SLC25A13: variants seen among roughly 807,000 people sequenced by gnomAD.
SLC25A13 encodes electrogenic aspartate/glutamate antiporter SLC25A13, mitochondrial.
In SLC25A13, 70 loss-of-function variants were observed where a neutral mutation model predicts 85.5. That is an observed-to-expected ratio of 0.82 (90% CI 0.68 to 1.00). SLC25A13 has a LOEUF of 1.00. SLC25A13 is among the 50% of genes least tolerant of loss of function. The probability of loss-of-function intolerance (pLI) is 0.00; values close to 1 mark genes in which losing one functional copy is unlikely to be tolerated. For synonymous variants in SLC25A13, 259 were observed against 288.7 expected (o/e 0.90, Z 1.04); for missense variants, 765 against 819.8 (o/e 0.93, Z 0.82).
At chr7:96,194,891 T>A (rs1011609445) in intron 5 of SLC25A13, among the ~76,000 whole-genome samples, 1 of 152,198 alleles carries the variant, frequency 6.6e-6, no homozygotes, top group Admixed American at 6.5e-5. Flanking sequence ...TTTGTAGCCA[T>A]CTGCCAGTTT....
chr7:96,179,773 T>C (rs1187635210), intron 11 of SLC25A13, among the ~76,000 whole-genome samples: 1 of 152,228 alleles, frequency 6.6e-6, no homozygotes, highest in Non-Finnish European at 1.5e-5. Flanking sequence ...AGTTCACAGA[T>C]TAACTATGGT....
At chr7:96,252,818 G>C (rs1377550804) in intron 3 of SLC25A13, among the ~76,000 whole-genome samples, 1 of 152,200 alleles carries the variant, frequency 6.6e-6, no homozygotes, top group Admixed American at 6.5e-5. Context: ...GGCAGGCTGG[G>C]CACGGTGGGT....
chr7:96,299,896 A>C (rs1314460188), intron 1 of SLC25A13, among the ~76,000 whole-genome samples: 1 of 152,222 alleles, frequency 6.6e-6, no homozygotes, highest in East Asian at 1.9e-4. Context: ...GTATCTAAAC[A>C]TAGAAAAGGT....
rs147716687 is a variant in SLC25A13 at position 96,120,621 on chromosome 7, C to T, written c.*570G>A. ...GTAACAATATGATTACTAAACATCT[C>T]CAATGTGGTTTTCATTACAAAGAAA... On this transcript the variant is annotated 3_prime_UTR_variant, in exon 18 of 18. Transcript: ENST00000265631. The T allele has an allele frequency of 1.1e-3, 514 of 454,454 alleles. 1 individual carries two copies. The highest frequency in any genetic ancestry group is 9.4e-3 in the African/African-American group (469 of 50,098). 28.2% of individuals were successfully genotyped at this position (454,454 alleles called of 1,614,324 possible).
chr7:96,144,291 A>G (rs1327289862), intron 14 of SLC25A13, among the ~76,000 whole-genome samples: 1 of 152,154 alleles, frequency 6.6e-6, no homozygotes, highest in Non-Finnish European at 1.5e-5. Context: ...GACTGAAAGG[A>G]GACCAAACCA....
chr7:96,196,571 C>A (rs968898411), intron 5 of SLC25A13, among the ~76,000 whole-genome samples: 1 of 152,166 alleles, frequency 6.6e-6, no homozygotes, highest in Non-Finnish European at 1.5e-5. Context: ...TGTGCCCACG[C>A]TTCCATGATT....
At chr7:96,278,733 C>G (rs1478359736) in intron 2 of SLC25A13, among the ~76,000 whole-genome samples, 1 of 152,024 alleles carries the variant, frequency 6.6e-6, no homozygotes, top group African/African-American at 2.4e-5. Context: ...TTTTTTTTAG[C>G]ACACTACAAG....
intron 1 of SLC25A13, among the ~76,000 whole-genome samples, chr7:96,316,509 T>C (rs1800131290): frequency 6.6e-6 from 1 of 152,152 alleles, no homozygotes; most frequent in Non-Finnish European, 1.5e-5. Context: ...GAACTCTTGG[T>C]AAGACCTGGG....
intron 1 of SLC25A13, among the ~76,000 whole-genome samples, chr7:96,303,790 TTG>T (rs1180877506): frequency 6.6e-6 from 1 of 151,934 alleles, no homozygotes; most frequent in African/African-American, 2.4e-5. Flanking sequence ...GCAGGCAGCA[TTG>T]TGACTGCACA....
intron 4 of SLC25A13, among the ~76,000 whole-genome samples, chr7:96,212,324 A>G (rs963298070): frequency 6.6e-6 from 1 of 152,214 alleles, no homozygotes; most frequent in Non-Finnish European, 1.5e-5. Flanking sequence ...ACAGCTTGGG[A>G]GCACTGTACT....
chr7:96,289,124 G>A (rs766255500), intron 2 of SLC25A13, among the ~76,000 whole-genome samples: 4 of 152,212 alleles, frequency 2.6e-5, no homozygotes, highest in Non-Finnish European at 5.9e-5. Context: ...TGCAGCCTCC[G>A]CTGCTGATAC....
At chr7:96,313,902 ACAT>A (rs1800037961) in intron 1 of SLC25A13, among the ~76,000 whole-genome samples, 1 of 152,202 alleles carries the variant, frequency 6.6e-6, no homozygotes. Context: ...TGCTGGACCT[ACAT>A]ATACCTGACC....
At chr7:96,317,946 T>C (rs568856453) in intron 1 of SLC25A13, among the ~76,000 whole-genome samples, 1 of 151,980 alleles carries the variant, frequency 6.6e-6, no homozygotes, top group African/African-American at 2.4e-5. Flanking sequence ...GGACCACAGA[T>C]GCGTGCCACC....
intron 3 of SLC25A13, among the ~76,000 whole-genome samples, chr7:96,260,539 A>G (rs1046281115): frequency 1.4e-4 from 21 of 152,092 alleles, no homozygotes; most frequent in African/African-American, 5.1e-4. Flanking sequence ...AAGTAATTAC[A>G]TTGACTCTCA....
intron 1 of SLC25A13, among the ~76,000 whole-genome samples, chr7:96,306,182 T>A (rs1472689817): frequency 1.3e-5 from 2 of 152,218 alleles, no homozygotes; most frequent in East Asian, 3.8e-4. Flanking sequence ...TGCAAATCTA[T>A]GATTTCAGCC....
At chr7:96,215,816 C>G (rs1795877589) in intron 4 of SLC25A13, among the ~76,000 whole-genome samples, 2 of 151,878 alleles carry the variant, frequency 1.3e-5, no homozygotes, top group Admixed American at 1.3e-4. Context: ...ATAAATTATA[C>G]TTCATCAAAA....
At chr7:96,152,375 C>G (rs761842530) in intron 13 of SLC25A13, among the ~76,000 whole-genome samples, 4 of 152,082 alleles carry the variant, frequency 2.6e-5, no homozygotes, top group African/African-American at 4.8e-5. Context: ...GAGCCTGAGG[C>G]AGGGATCACA....
chr7:96,293,957 G>A (rs373398689), intron 2 of SLC25A13, among the ~76,000 whole-genome samples: 242 of 152,196 alleles, frequency 1.6e-3, no homozygotes, highest in Non-Finnish European at 2.5e-3. Context: ...TATAAATCAC[G>A]CTGCTGTAAA....
chr7:96,260,824 C>T (rs1797826377), intron 3 of SLC25A13, among the ~76,000 whole-genome samples: 1 of 152,140 alleles, frequency 6.6e-6, no homozygotes, highest in South Asian at 2.1e-4. Flanking sequence ...CTTTCTTCCA[C>T]TGTCACCCAC....
Sources: gnomAD v4.1 joint callset for allele counts (sites outside exome capture counted in the v4.1 genomes callset) on GRCh38, gnomAD v4.1.1 for gene constraint, MANE v1.5 for transcripts, NCBI Gene and HGNC (gene_info 2026-07-23, HGNC 2026-07-21) for gene names.